The following GALNTL6 variants were observed in gnomAD, a reference collection of about 807,000 sequenced individuals.
GALNTL6 encodes polypeptide N-acetylgalactosaminyltransferase like 6, also known as polypeptide N-acetylgalactosaminyltransferase-like 6.
GALNTL6 carries 46 observed loss-of-function variants against 73.7 expected under a neutral mutation model. The observed-to-expected ratio is 0.62, with a 90% CI of 0.49 to 0.80. GALNTL6 has a LOEUF of 0.80. Ranked by LOEUF, GALNTL6 falls within the 30% of genes least tolerant of loss-of-function variation. The pLI is 0.00. For synonymous variants in GALNTL6, 259 were observed against 263.7 expected, an observed-to-expected ratio of 0.98 and a Z score of 0.17; for missense variants, 604 against 755.0, an observed-to-expected ratio of 0.80 and a Z score of 2.34.
intron 5 of GALNTL6, among the ~76,000 whole-genome samples, chr4:172,475,516 C>T (rs901900644): frequency 2.0e-5 from 3 of 151,358 alleles, no homozygotes; most frequent in African/African-American, 4.9e-5. Flanking sequence ...GGTGTTTTTC[C>T]AAGTGGTTAT....
At chr4:172,139,814 T>A (rs1175106163) in intron 2 of GALNTL6, among the ~76,000 whole-genome samples, 4 of 152,156 alleles carry the variant, frequency 2.6e-5, no homozygotes, top group Non-Finnish European at 4.4e-5. Flanking sequence ...CTTATTTTTT[T>A]AAAAACATTT....
chr4:171,978,478 G>A (rs528904206), intron 2 of GALNTL6, among the ~76,000 whole-genome samples: 2 of 152,184 alleles, frequency 1.3e-5, no homozygotes, highest in South Asian at 4.1e-4. Context: ...CATCAGCTCA[G>A]CTCACATTTC....
chr4:172,168,478 G>GGAT (rs202162186), intron 2 of GALNTL6, among the ~76,000 whole-genome samples: 2 of 152,004 alleles, frequency 1.3e-5, no homozygotes, highest in Non-Finnish European at 2.9e-5. Flanking sequence ...TATCCAGTGC[G>GGAT]GATGATGATG....
chr4:172,636,446 A>G (rs1739685753), intron 5 of GALNTL6, among the ~76,000 whole-genome samples: 1 of 152,212 alleles, frequency 6.6e-6, no homozygotes, highest in Non-Finnish European at 1.5e-5. Context: ...TCTTCAGATC[A>G]GAGGATTCCT....
At chr4:172,385,031 T>TTG (rs1294218737) in intron 5 of GALNTL6, among the ~76,000 whole-genome samples, 2 of 150,296 alleles carry the variant, frequency 1.3e-5, no homozygotes, top group African/African-American at 4.9e-5. Context: ...TTTTTTTGTT[T>TTG]TTTTTTTTTT....
chr4:171,821,196 T>C (rs1393267482), intron 2 of GALNTL6, among the ~76,000 whole-genome samples: 1 of 152,170 alleles, frequency 6.6e-6, no homozygotes, highest in East Asian at 1.9e-4. Flanking sequence ...CCATGATACC[T>C]GGATAACTTT....
intron 9 of GALNTL6, among the ~76,000 whole-genome samples, chr4:172,951,006 G>C (rs1400856597): frequency 6.6e-6 from 1 of 152,174 alleles, no homozygotes; most frequent in Non-Finnish European, 1.5e-5. Flanking sequence ...GCACCATAGA[G>C]CCTGAAGGCA....
intron 5 of GALNTL6, among the ~76,000 whole-genome samples, chr4:172,415,410 C>T (rs750899831): frequency 1.3e-5 from 2 of 152,186 alleles, no homozygotes; most frequent in Non-Finnish European, 2.9e-5. Flanking sequence ...CTACTCCACA[C>T]AGGCACTCAA....
At chr4:171,982,912 T>C (rs1248691352) in intron 2 of GALNTL6, among the ~76,000 whole-genome samples, 2 of 152,206 alleles carry the variant, frequency 1.3e-5, no homozygotes, top group African/African-American at 2.4e-5. Context: ...TGTCATAGCC[T>C]CATTTTCTCT....
At chr4:172,863,908 C>G (rs188608609) in intron 7 of GALNTL6, among the ~76,000 whole-genome samples, 28 of 152,210 alleles carry the variant, frequency 1.8e-4, no homozygotes, top group African/African-American at 6.7e-4. Context: ...TAGGAGGGAC[C>G]CAGTGGGAGG....
At chr4:172,564,311 T>C (rs2110933154) in intron 5 of GALNTL6, among the ~76,000 whole-genome samples, 1 of 152,336 alleles carries the variant, frequency 6.6e-6, no homozygotes, top group East Asian at 1.9e-4. Flanking sequence ...AAGGTTGAGA[T>C]ATAAATAGCT....
At chr4:171,995,950 C>T (rs542962941) in intron 2 of GALNTL6, among the ~76,000 whole-genome samples, 55 of 152,090 alleles carry the variant, frequency 3.6e-4, no homozygotes, top group Middle Eastern at 3.4e-3. Context: ...AGAGCCAATA[C>T]TACTGATAAA....
intron 2 of GALNTL6, among the ~76,000 whole-genome samples, chr4:172,126,468 A>G (rs998634666): frequency 2.0e-5 from 3 of 152,164 alleles, no homozygotes; most frequent in African/African-American, 7.2e-5. Flanking sequence ...GGCGTTCAAT[A>G]GAGAAGTGAC....
At chr4:172,047,273 A>C (rs1221615751) in intron 2 of GALNTL6, among the ~76,000 whole-genome samples, 1 of 152,136 alleles carries the variant, frequency 6.6e-6, no homozygotes, top group Non-Finnish European at 1.5e-5. Context: ...ACTTTCTATT[A>C]GTTGAAACAG....
intron 2 of GALNTL6, among the ~76,000 whole-genome samples, chr4:172,093,823 C>T (rs1430609079): frequency 5.9e-5 from 9 of 152,132 alleles, no homozygotes; most frequent in African/African-American, 2.2e-4. Context: ...TGCCTGATGA[C>T]GTATCACTGT....
intron 5 of GALNTL6, among the ~76,000 whole-genome samples, chr4:172,562,970 G>C (rs1486402097): frequency 6.6e-6 from 1 of 152,072 alleles, no homozygotes; most frequent in Non-Finnish European, 1.5e-5. Context: ...TGTCCATTTT[G>C]TGCTCCCATT....
chr4:172,755,237 TATAGATAG>T lies in GALNTL6; in HGVS notation c.554-54096_554-54089del, dbSNP rs58940503. ...AGATAAGAGATAGATAAATGACAGA[TATAGATAG>T]ATAGATAGATAGATAGATAGATAGA... On this transcript the variant is annotated intron_variant, in intron 5 of 12. Transcript: ENST00000506823. Among the ~76,000 whole-genome samples, 6 of 145,664 alleles carry T rather than the reference TATAGATAG, an allele frequency of 4.1e-5. No homozygotes were observed. In the East Asian group the frequency reaches 6.1e-4, roughly 15 times the overall value.
intron 2 of GALNTL6, among the ~76,000 whole-genome samples, chr4:171,894,409 T>C (rs1304753494): frequency 6.6e-6 from 1 of 152,156 alleles, no homozygotes; most frequent in Non-Finnish European, 1.5e-5. Flanking sequence ...TGTACAGCAA[T>C]AGAAGTGCAG....
At chr4:172,647,701 G>A (rs1484426759) in intron 5 of GALNTL6, among the ~76,000 whole-genome samples, 2 of 152,014 alleles carry the variant, frequency 1.3e-5, no homozygotes, top group Non-Finnish European at 1.5e-5. Context: ...CCACAGCTCT[G>A]CATTACATAA....
Sources: gnomAD v4.1 joint callset for allele counts (sites outside exome capture counted in the v4.1 genomes callset) on GRCh38, gnomAD v4.1.1 for gene constraint, MANE v1.5 for transcripts, NCBI Gene and HGNC (gene_info 2026-07-23, HGNC 2026-07-21) for gene names.